AGAP1: variants seen among roughly 807,000 people sequenced by gnomAD.
AGAP1 encodes the protein arf-GAP with GTPase, ANK repeat and PH domain-containing protein 1.
AGAP1 carries 29 observed loss-of-function variants against 105.3 expected under a neutral mutation model. The ratio of observed to expected loss-of-function variants is 0.28; its 90% CI spans 0.21 to 0.38. AGAP1 has a LOEUF of 0.38. Among genes scored for constraint, AGAP1 ranks in the 10% least tolerant of loss-of-function variants. The pLI is 1.00. For synonymous variants in AGAP1, 509 were observed against 485.9 expected, an observed-to-expected ratio of 1.05 and a Z score of -0.63; for missense variants, 998 against 1,165.1, an observed-to-expected ratio of 0.86 and a Z score of 2.09.
At chr2:235,540,458 C>A (rs992966866) in intron 1 of AGAP1, among the ~76,000 whole-genome samples, 1 of 152,142 alleles carries the variant, frequency 6.6e-6, no homozygotes, top group Non-Finnish European at 1.5e-5. Flanking sequence ...CAACCTCAAT[C>A]CATTTCTTTA....
rs1384819443 is a variant in AGAP1 at position 235,552,758 on chromosome 2, A to G, written c.163+57909A>G. Among the ~76,000 whole-genome samples the G allele has an allele frequency of 2.2e-4, 33 of 152,144 alleles. No homozygotes were observed. The highest frequency in any genetic ancestry group is 2.9e-5 in the Non-Finnish European group (2 of 68,014). ...AAGAGTGAGGAGAGAGCAGTGGCCAAAGTGGAGAGAGTTGAGTTTCAGAAA... is the reference window on the plus strand; with the variant it reads ...AAGAGTGAGGAGAGAGCAGTGGCCAGAGTGGAGAGAGTTGAGTTTCAGAAA... On this transcript the variant is annotated intron_variant, in intron 1 of 17. Coordinates refer to ENST00000304032, the MANE Select transcript of AGAP1 (RefSeq NM_001037131.3). This position sits in a 1 kb window ranked among gnomAD's most constrained non-coding sequence, Gnocchi z 5.9.
At chr2:235,514,222 T>G (rs573056918) in intron 1 of AGAP1, among the ~76,000 whole-genome samples, 23 of 152,354 alleles carry the variant, frequency 1.5e-4, no homozygotes, top group African/African-American at 5.5e-4. Flanking sequence ...GCAATTCATG[T>G]TTGACAGCTG....
chr2:235,982,238 T>G lies in AGAP1; in HGVS notation c.1645+13615T>G, dbSNP rs189316636. Among the ~76,000 whole-genome samples the G allele has an allele frequency of 5.5e-4, 83 of 152,284 alleles. No individual in the cohort carries two copies. The highest frequency in any genetic ancestry group is 1.9e-3 in the African/African-American group (80 of 41,558). ...ATCCATTTCTCACATTTAAAGAGAA[T>G]CAAAGAGTCAGTAAACATGCAGAAA... is the stretch of plus-strand genomic sequence containing the variant. On this transcript the variant is annotated intron_variant, in intron 13 of 17. Transcript: ENST00000304032. The surrounding 1 kb of genome is among the most constrained non-coding windows in gnomAD (Gnocchi z 4.9).
At chr2:235,698,350 G>A (rs1482815916) in intron 1 of AGAP1, among the ~76,000 whole-genome samples, 3 of 152,106 alleles carry the variant, frequency 2.0e-5, no homozygotes, top group East Asian at 3.8e-4. Context: ...ACCAGTCCAC[G>A]TCCCTGCGGT....
rs1324191507 is a variant in AGAP1, at chr2:235,655,891, G to A, written c.164-53288G>A. 1.3e-5 allele frequency among the ~76,000 whole-genome samples: 2 copies of A among 152,200 alleles called. No homozygotes were observed. The highest frequency in any genetic ancestry group is 2.9e-5 in the Non-Finnish European group (2 of 68,040). The stretch of plus-strand genomic sequence containing the variant: ...AGAATCTTTGTTGGAATATGACCCT[G>A]GGTTTTGTATGGAAAAGGGAGGGGG... On this transcript the variant is annotated intron_variant, in intron 1 of 17. Coordinates refer to ENST00000304032, the MANE Select transcript of AGAP1 (RefSeq NM_001037131.3). The surrounding 1 kb of genome is among the most constrained non-coding windows in gnomAD (Gnocchi z 4.3).
rs1210711957 is a variant in AGAP1, at chr2:235,609,345, G to C, written c.164-99834G>C. ...GAAGTCCCTGTTAAAATGGCCAGAG[G>C]ACATGGGGACATGGGGCAGGGAGAG... On this transcript the variant is annotated intron_variant, in intron 1 of 17. Transcript: ENST00000304032. This position sits in a 1 kb window ranked among gnomAD's most constrained non-coding sequence, Gnocchi z 5.1. Among the ~76,000 whole-genome samples, 1 of 152,128 alleles carries C rather than the reference G, an allele frequency of 6.6e-6. No homozygotes were observed. Among genetic ancestry groups the C allele is most frequent in the Admixed American group, 6.6e-5 (1 of 15,262 alleles).
At chr2:235,762,007 G>A (rs913363998) in intron 6 of AGAP1, among the ~76,000 whole-genome samples, 14 of 151,780 alleles carry the variant, frequency 9.2e-5, no homozygotes, top group African/African-American at 3.4e-4. Context: ...TACTCGGGAG[G>A]CTGAGGCAGG....
intron 12 of AGAP1, among the ~76,000 whole-genome samples, chr2:235,948,953 C>T (rs879655486): frequency 3.9e-5 from 6 of 152,172 alleles, no homozygotes; most frequent in African/African-American, 7.2e-5. Context: ...TATTTACAAA[C>T]GCAGTGTCCA....
chr2:235,682,785 G>T (rs1168625952), intron 1 of AGAP1, among the ~76,000 whole-genome samples: 8 of 120,284 alleles, frequency 6.7e-5, no homozygotes, highest in Non-Finnish European at 9.8e-5. Flanking sequence ...TCGATGTGTG[G>T]GTGTGTGCAC....
At position 236,014,298 on chromosome 2, in the gene AGAP1, A is replaced by G. The variant is rs2056618638; in HGVS notation, c.1646-22263A>G. On this transcript the variant is annotated intron_variant, in intron 13 of 17. Transcript: ENST00000304032. This position sits in a 1 kb window ranked among gnomAD's most constrained non-coding sequence, Gnocchi z 6.3. ...GCCTGAATCAAAATCTGTCTCGGGA[A>G]GACAACTTCACTTTTAACAGCTCTT... Among the ~76,000 whole-genome samples, 1 of 152,172 alleles carries G rather than the reference A, an allele frequency of 6.6e-6. No homozygotes were observed. The highest frequency in any genetic ancestry group is 2.1e-4 in the South Asian group (1 of 4,828).
At chr2:236,075,453 C>T (rs900382184) in intron 16 of AGAP1, among the ~76,000 whole-genome samples, 7 of 152,134 alleles carry the variant, frequency 4.6e-5, no homozygotes, top group Non-Finnish European at 1.0e-4. Context: ...AAAGGGTCCC[C>T]GCTGCTGCCC....
Position 235,830,239 on chromosome 2 carries a change from C to T in AGAP1, c.1050+22908C>T, listed in dbSNP as rs1048707643. On this transcript the variant is annotated intron_variant, in intron 9 of 17. Transcript: ENST00000304032. This position sits in a 1 kb window ranked among gnomAD's most constrained non-coding sequence, Gnocchi z 5.5. ...TTCCCCATGACACCAGTGGGCCAGG[C>T]TACAGTCACCGTTTGAGTGCCCGTG... 2.6e-5 allele frequency among the ~76,000 whole-genome samples: 4 copies of T among 152,174 alleles called. No homozygotes were observed. The highest frequency in any genetic ancestry group is 5.9e-5 in the Non-Finnish European group (4 of 68,036).
At chr2:235,763,778 T>C (rs1193568428) in intron 6 of AGAP1, among the ~76,000 whole-genome samples, 2 of 152,186 alleles carry the variant, frequency 1.3e-5, no homozygotes, top group African/African-American at 4.8e-5. Context: ...AATATGAAAA[T>C]AAGTCCACGT....
In AGAP1 at chr2:235,535,764, G is replaced by A. The variant is rs549196807; in HGVS notation, c.163+40915G>A. On this transcript the variant is annotated intron_variant, in intron 1 of 17. Coordinates refer to ENST00000304032, the MANE Select transcript of AGAP1 (RefSeq NM_001037131.3). The surrounding 1 kb of genome is among the most constrained non-coding windows in gnomAD (Gnocchi z 5.1). ...GTATTTTCATGCCTAATAAGTGAGC[G>A]TGTGACATGCAGTGGGCTCAGTCTC... Among the ~76,000 whole-genome samples, 5 of 152,098 alleles carry A rather than the reference G, an allele frequency of 3.3e-5. No individual in the cohort carries two copies. The highest frequency in any genetic ancestry group is 7.2e-5 in the African/African-American group (3 of 41,494).
chr2:235,942,174 T>C (rs1472624918), intron 12 of AGAP1, among the ~76,000 whole-genome samples: 1 of 152,150 alleles, frequency 6.6e-6, no homozygotes, highest in African/African-American at 2.4e-5. Flanking sequence ...TCATCTGCTG[T>C]GTAGACAGCT....
At chr2:235,781,823 T>A (rs942690067) in intron 6 of AGAP1, among the ~76,000 whole-genome samples, 5 of 152,144 alleles carry the variant, frequency 3.3e-5, no homozygotes, top group Admixed American at 1.3e-4. Flanking sequence ...CTTTTTTTTT[T>A]ATGTAAATAA....
rs1316597990 is a variant in AGAP1 at position 235,979,009 on chromosome 2, A to AT, written c.1645+10393dup. Among the ~76,000 whole-genome samples, 1 of 151,998 alleles carries AT rather than the reference A, an allele frequency of 6.6e-6. No individual in the cohort carries two copies. The highest frequency in any genetic ancestry group is 2.4e-5 in the African/African-American group (1 of 41,310). On this transcript the variant is annotated intron_variant, in intron 13 of 17. Coordinates refer to ENST00000304032, the MANE Select transcript of AGAP1 (RefSeq NM_001037131.3). This position sits in a 1 kb window ranked among gnomAD's most constrained non-coding sequence, Gnocchi z 4.5. ...GTTATAAGGGGACATCTCTCTTGAAATTTTTTTGGACTTACGGACATTTAA... is the reference window on the plus strand; with the variant it reads ...GTTATAAGGGGACATCTCTCTTGAAATTTTTTTTGGACTTACGGACATTTAA...
intron 11 of AGAP1, among the ~76,000 whole-genome samples, chr2:235,918,215 G>A (rs1575776523): frequency 6.6e-6 from 1 of 152,234 alleles, no homozygotes; most frequent in African/African-American, 2.4e-5. Flanking sequence ...TAAATTGGAA[G>A]CTTCTGCTAA....
intron 1 of AGAP1, among the ~76,000 whole-genome samples, chr2:235,545,152 A>G (rs1009253922): frequency 1.3e-5 from 2 of 152,188 alleles, no homozygotes; most frequent in Non-Finnish European, 2.9e-5. Flanking sequence ...GGCACCTTAC[A>G]AGTTATTCTA....
Sources: allele counts gnomAD v4.1 joint callset (sites outside exome capture counted in the v4.1 genomes callset), GRCh38; gene constraint gnomAD v4.1.1; non-coding constraint Gnocchi (gnomAD v3.1); transcripts MANE v1.5; gene names NCBI Gene and HGNC (gene_info 2026-07-23, HGNC 2026-07-21).